The following GRIK2 variants were observed in gnomAD, a reference collection of about 807,000 sequenced individuals.
The protein encoded by GRIK2 is glutamate receptor ionotropic, kainate 2.
Under a neutral mutation model 100.3 loss-of-function variants are expected in GRIK2, and 32 were observed. That is an observed-to-expected ratio of 0.32 (90% confidence interval 0.24 to 0.43). The LOEUF (loss-of-function observed/expected upper bound fraction) is 0.43. Among genes scored for constraint, GRIK2 ranks in the 20% least tolerant of loss-of-function variants. The probability of loss-of-function intolerance (pLI) is 1.00; values close to 1 mark genes in which losing one functional copy is unlikely to be tolerated. For synonymous variants in GRIK2, 417 were observed against 389.4 expected, an observed-to-expected ratio of 1.07 and a Z score of -0.83; for missense variants, 843 against 1,114.9, an observed-to-expected ratio of 0.76 and a Z score of 3.47.
At chr6:101,544,573 C>G (rs1476314761) in intron 2 of GRIK2, among the ~76,000 whole-genome samples, 1 of 152,112 alleles carries the variant, frequency 6.6e-6, no homozygotes, top group Non-Finnish European at 1.5e-5. Flanking sequence ...CCTCTTCTCT[C>G]AATTATTATT....
intron 14 of GRIK2, among the ~76,000 whole-genome samples, chr6:101,979,160 T>C (rs2128488666): frequency 6.6e-6 from 1 of 152,066 alleles, no homozygotes; most frequent in East Asian, 1.9e-4. Flanking sequence ...CAAGAAAGTT[T>C]TAGGACTGAA....
chr6:101,678,049 C>T (rs1562304006), intron 5 of GRIK2, among the ~76,000 whole-genome samples: 2 of 152,084 alleles, frequency 1.3e-5, no homozygotes, highest in South Asian at 4.1e-4. Context: ...AATTCCCAAA[C>T]AATTCCTGAT....
intron 7 of GRIK2, among the ~76,000 whole-genome samples, chr6:101,775,837 A>T (rs1778715058): frequency 6.6e-6 from 1 of 151,772 alleles, no homozygotes; most frequent in Non-Finnish European, 1.5e-5. Flanking sequence ...GGAGAGAGAG[A>T]GAGAGAGATG....
Position 101,793,151 on chromosome 6 carries a change from G to A in GRIK2, c.952-6497G>A, listed in dbSNP as rs576145971. Among the ~76,000 whole-genome samples, 12 of 152,210 alleles carry A rather than the reference G, an allele frequency of 7.9e-5. No homozygotes were observed. In the South Asian group the frequency reaches 2.5e-3, roughly 32 times the overall value. On this transcript the variant is annotated intron_variant, in intron 7 of 16. Transcript: ENST00000369134. ...TTTTCAACTGCTTTGCCTTTGGTTT[G>A]AATTTCCTCCTGTAGCTCGGAGTAG...
At chr6:101,942,454 G>A (rs1791013407) in intron 14 of GRIK2, among the ~76,000 whole-genome samples, 1 of 152,194 alleles carries the variant, frequency 6.6e-6, no homozygotes, top group South Asian at 2.1e-4. Flanking sequence ...GAATATGTGG[G>A]AAAGTTAGGA....
intron 15 of GRIK2, among the ~76,000 whole-genome samples, chr6:102,040,746 T>TAA (rs1770520736): frequency 6.6e-6 from 1 of 151,590 alleles, no homozygotes; most frequent in South Asian, 2.1e-4. Flanking sequence ...TATGATATAA[T>TAA]AAGTACTGAA....
intron 15 of GRIK2, among the ~76,000 whole-genome samples, chr6:102,036,551 T>C (rs1770284519): frequency 1.3e-5 from 2 of 150,768 alleles, no homozygotes; most frequent in Non-Finnish European, 3.0e-5. Context: ...ATAGTTACGA[T>C]GTGATTATGA....
intron 7 of GRIK2, among the ~76,000 whole-genome samples, chr6:101,688,919 A>T (rs1006959434): frequency 7.9e-5 from 12 of 152,096 alleles, no homozygotes; most frequent in South Asian, 2.1e-4. Flanking sequence ...CCAAAATTTT[A>T]AAAAAATACA....
intron 7 of GRIK2, among the ~76,000 whole-genome samples, chr6:101,750,873 C>A (rs568667122): frequency 6.6e-6 from 1 of 152,158 alleles, no homozygotes; most frequent in African/African-American, 2.4e-5. Flanking sequence ...CGCTTTTTAA[C>A]TTACATTTCA....
intron 2 of GRIK2, among the ~76,000 whole-genome samples, chr6:101,569,414 G>A (rs686067): frequency 0.35 from 52,947 of 151,120 alleles, 10,099 homozygotes; most frequent in African/African-American, 0.51. Context: ...ATTCCCAATA[G>A]AAGTTCTTTT....
intron 14 of GRIK2, among the ~76,000 whole-genome samples, chr6:101,958,702 G>A (rs1279944325): frequency 6.6e-6 from 1 of 151,898 alleles, no homozygotes; most frequent in Non-Finnish European, 1.5e-5. Flanking sequence ...AAGTTTATAT[G>A]ATACCTGGTG....
chr6:101,485,314 A>G (rs565681939), intron 2 of GRIK2, among the ~76,000 whole-genome samples: 19 of 152,322 alleles, frequency 1.2e-4, no homozygotes, highest in African/African-American at 4.3e-4. Context: ...GTGGGGCTAT[A>G]TCACAAGACT....
At chr6:101,587,047 G>T (rs1231267772) in intron 2 of GRIK2, among the ~76,000 whole-genome samples, 1 of 151,828 alleles carries the variant, frequency 6.6e-6, no homozygotes, top group African/African-American at 2.4e-5. Flanking sequence ...TTATTCACAG[G>T]GTTGAGGATA....
chr6:101,473,758 T>C (rs1039297875), intron 2 of GRIK2, among the ~76,000 whole-genome samples: 3 of 151,990 alleles, frequency 2.0e-5, no homozygotes, highest in East Asian at 1.9e-4. Context: ...ATTTTATTTA[T>C]CTGCTCTGTC....
chr6:101,513,524 G>A (rs1192701360), intron 2 of GRIK2, among the ~76,000 whole-genome samples: 1 of 152,150 alleles, frequency 6.6e-6, no homozygotes, highest in East Asian at 1.9e-4. Flanking sequence ...GAACAGCTTT[G>A]CAGGGGCATT....
intron 14 of GRIK2, among the ~76,000 whole-genome samples, chr6:102,010,247 G>C (rs1379856603): frequency 6.6e-6 from 1 of 151,350 alleles, no homozygotes; most frequent in Non-Finnish European, 1.5e-5. Context: ...GTATTTTTTG[G>C]GTTTTGAAAA....
intron 11 of GRIK2, among the ~76,000 whole-genome samples, chr6:101,886,732 T>C (rs1786646694): frequency 6.6e-6 from 1 of 151,954 alleles, no homozygotes; most frequent in Non-Finnish European, 1.5e-5. Flanking sequence ...CAACTGAAGT[T>C]TTATTTCCTT....
chr6:102,035,923 T>A (rs546997295), intron 15 of GRIK2, among the ~76,000 whole-genome samples: 20 of 151,482 alleles, frequency 1.3e-4, no homozygotes, highest in African/African-American at 4.8e-4. Flanking sequence ...AATTTGTGGC[T>A]TACAAATATA....
intron 9 of GRIK2, among the ~76,000 whole-genome samples, chr6:101,811,932 A>T (rs1433362730): frequency 2.0e-5 from 3 of 151,694 alleles, no homozygotes; most frequent in Non-Finnish European, 3.0e-5. Context: ...AAAAATACAC[A>T]GAAACCAAAG....
Sources: allele counts gnomAD v4.1 joint callset (sites outside exome capture counted in the v4.1 genomes callset), GRCh38; gene constraint gnomAD v4.1.1; transcripts MANE v1.5; gene names NCBI Gene and HGNC (gene_info 2026-07-23, HGNC 2026-07-21).